The following DTNA variants were observed in gnomAD, a reference collection of about 807,000 sequenced individuals.
The protein encoded by DTNA is dystrobrevin alpha.
Under a neutral mutation model 100.7 loss-of-function variants are expected in DTNA, and 43 were observed. The ratio of observed to expected loss-of-function variants is 0.43; its 90% CI spans 0.33 to 0.55. The LOEUF (loss-of-function observed/expected upper bound fraction) is 0.55, where lower values mean the gene tolerates loss of function less well. DTNA is among the 20% of genes least tolerant of loss of function. DTNA has a pLI of 0.04. For synonymous variants in DTNA, 349 were observed against 347.9 expected, an observed-to-expected ratio of 1.00 and a Z score of -0.04; for missense variants, 798 against 953.9, an observed-to-expected ratio of 0.84 and a Z score of 2.15.
At chr18:34,528,205 A>G (rs1381753537) in intron 1 of DTNA, among the ~76,000 whole-genome samples, 1 of 152,114 alleles carries the variant, frequency 6.6e-6, no homozygotes, top group Non-Finnish European at 1.5e-5. Context: ...TTGAAATTAG[A>G]CAATTGACTG....
At position 34,578,479 on chromosome 18, in the gene DTNA, C is replaced by T. The variant is rs183084469; in HGVS notation, c.-2+84965C>T. On this transcript the variant is annotated intron_variant, in intron 1 of 19. Coordinates refer to the DTNA transcript ENST00000283365. ...CAAAAGCTCTTTAGTTTAATTAAGT[C>T]CCACCTACTTATCTTTGTTTTTATT... Among the ~76,000 whole-genome samples the T allele has an allele frequency of 5.3e-4, 81 of 152,020 alleles. 2 individuals are homozygous for T. In the East Asian group the frequency reaches 0.011, roughly 20 times the overall value.
At chr18:34,594,438 A>G (rs1216302343) in intron 1 of DTNA, among the ~76,000 whole-genome samples, 1 of 152,214 alleles carries the variant, frequency 6.6e-6, no homozygotes, top group African/African-American at 2.4e-5. Context: ...GTCACAGAGT[A>G]CATGGTGTGA....
rs180936257 is a variant in DTNA at position 34,612,698 on chromosome 18, A to G, written c.-2+119184A>G. Among the ~76,000 whole-genome samples, 448 of 152,368 alleles carry G rather than the reference A, an allele frequency of 2.9e-3. 3 individuals are homozygous for G. The highest frequency in any genetic ancestry group is 0.01 in the African/African-American group (420 of 41,594). On this transcript the variant is annotated intron_variant, in intron 1 of 19. Coordinates refer to the DTNA transcript ENST00000283365. ...TGATTTTGCAGCACTTGCACTCATC[A>G]GTAAACATTATTACACGTTGACATT...
At chr18:34,868,763 G>A (rs754794781) in intron 17 of DTNA, 106 of 985,046 alleles carry the variant, frequency 1.1e-4, no homozygotes, top group Non-Finnish European at 1.1e-4. Context: ...GTAATATAAT[G>A]TGATGATTAT....
Position 34,875,411 on chromosome 18 carries a change from AT to A in DTNA, c.1903+19del, listed in dbSNP as rs1043531212. ...GCATTTGCACAAAGTAAGTGGCTTT[AT>A]TTTTTGTTGTGGTCTGCTTTTATGT... On this transcript the variant is annotated intron_variant, in intron 18 of 22. Transcript: ENST00000444659. 3 of 1,613,890 alleles carry A rather than the reference AT, an allele frequency of 1.9e-6. No individual in the cohort carries two copies. The African/African-American group carries it at 4.0e-5, about 22-fold the overall frequency.
rs60191917 is a variant in DTNA, at chr18:34,827,926, A to G, written c.1085+250A>G. On this transcript the variant is annotated intron_variant, in intron 10 of 22. Transcript: ENST00000444659. ...TTACCCACAGTAAGAATGTGAGGGTATGTTTCAGTTTTACTACTGACACAC... is the reference window on the plus strand; with the variant it reads ...TTACCCACAGTAAGAATGTGAGGGTGTGTTTCAGTTTTACTACTGACACAC... Among the ~76,000 whole-genome samples, 4,332 of 152,260 alleles carry G rather than the reference A, an allele frequency of 0.028. 206 individuals carry two copies. The highest frequency in any genetic ancestry group is 0.097 in the African/African-American group (4,042 of 41,544).
At chr18:34,806,464 C>G (rs192732770) in intron 5 of DTNA, among the ~76,000 whole-genome samples, 160 bp downstream of exon 5, 3 of 152,066 alleles carry the variant, frequency 2.0e-5, no homozygotes, top group Non-Finnish European at 4.4e-5. Flanking sequence ...TTTGTCATAG[C>G]GATATTTTCA....
chr18:34,678,610 C>A (rs1019285116), intron 1 of DTNA, among the ~76,000 whole-genome samples: 3 of 152,082 alleles, frequency 2.0e-5, no homozygotes, highest in African/African-American at 7.2e-5. Flanking sequence ...TAACACGCAG[C>A]CTGTGTGTTC....
intron 3 of DTNA, among the ~76,000 whole-genome samples, chr18:34,791,376 G>T (rs1351584169): frequency 6.6e-6 from 1 of 152,090 alleles, no homozygotes; most frequent in African/African-American, 2.4e-5. Flanking sequence ...AGGACGACAG[G>T]CTGGATGTCA....
At chr18:34,521,730 T>A (rs2042167934) in intron 1 of DTNA, among the ~76,000 whole-genome samples, 1 of 152,200 alleles carries the variant, frequency 6.6e-6, no homozygotes, top group South Asian at 2.1e-4. Flanking sequence ...ACTCTCTCGC[T>A]TCACACAGGT....
At chr18:34,687,506 CTGTT>C (rs1285329145) in intron 1 of DTNA, among the ~76,000 whole-genome samples, 1 of 152,094 alleles carries the variant, frequency 6.6e-6, no homozygotes, top group African/African-American at 2.4e-5. Context: ...GTCTGAGAGA[CTGTT>C]TGTTATGATT....
At chr18:34,788,432 A>G (rs922111217) in intron 3 of DTNA, among the ~76,000 whole-genome samples, 2 of 152,096 alleles carry the variant, frequency 1.3e-5, no homozygotes, top group African/African-American at 2.4e-5. Flanking sequence ...CCCCAAAACA[A>G]CAATGTAGTA....
At chr18:34,880,197 A>T (rs1464478056) in intron 20 of DTNA, among the ~76,000 whole-genome samples, 4 of 152,214 alleles carry the variant, frequency 2.6e-5, no homozygotes, top group African/African-American at 9.6e-5. Flanking sequence ...ATTATAAAGA[A>T]ATCCAGTTTG....
intron 7 of DTNA, among the ~76,000 whole-genome samples, chr18:34,817,468 CA>C (rs1283184531): frequency 6.6e-6 from 1 of 151,938 alleles, no homozygotes; most frequent in Non-Finnish European, 1.5e-5. Context: ...CTTTATAATT[CA>C]AATTTCCTAC....
At chr18:34,847,362 G>C (rs532941062) in intron 13 of DTNA, among the ~76,000 whole-genome samples, 1 of 152,230 alleles carries the variant, frequency 6.6e-6, no homozygotes, top group East Asian at 1.9e-4. Context: ...TAAAAGGCAG[G>C]TTATAAATAA....
chr18:34,766,147 T>C, intron 3 of DTNA, 106 bp downstream of exon 3: 1 of 1,255,502 alleles, frequency 8.0e-7, no homozygotes, highest in Non-Finnish European at 1.1e-6. Flanking sequence ...GCTAATATTG[T>C]TATATATGTT....
chr18:34,701,263 C>G (rs1300922612), intron 1 of DTNA, among the ~76,000 whole-genome samples: 1 of 152,100 alleles, frequency 6.6e-6, no homozygotes, highest in African/African-American at 2.4e-5. Context: ...CAACATTCCC[C>G]CAAAAAAGGT....
At chr18:34,718,172 A>G (rs561730548) in intron 1 of DTNA, among the ~76,000 whole-genome samples, 431 of 152,306 alleles carry the variant, frequency 2.8e-3, no homozygotes, top group Non-Finnish European at 5.3e-3. Flanking sequence ...TTTTTCAAAC[A>G]GGACCAACTT....
chr18:34,661,557 ACACATAACAGC>A (rs2144549177), intron 1 of DTNA, among the ~76,000 whole-genome samples: 1 of 152,332 alleles, frequency 6.6e-6, no homozygotes, highest in East Asian at 1.9e-4. Context: ...TTCACATCTC[ACACATAACAGC>A]CAGAGTCTGT....
Sources: gnomAD v4.1 joint callset for allele counts (sites outside exome capture counted in the v4.1 genomes callset) on GRCh38, gnomAD v4.1.1 for gene constraint, MANE v1.5 for transcripts, NCBI Gene and HGNC (gene_info 2026-07-23, HGNC 2026-07-21) for gene names.